PLA2G10: variants seen among roughly 807,000 people sequenced by gnomAD.
The protein encoded by PLA2G10 is group 10 secretory phospholipase A2.
PLA2G10 carries 9 observed loss-of-function variants against 7.9 expected under a neutral mutation model. The observed-to-expected ratio is 1.14, with a 90% CI of 0.68 to 1.98. The LOEUF (loss-of-function observed/expected upper bound fraction) is 1.98, where lower values mean the gene tolerates loss of function less well. PLA2G10 is among the 30% of genes most tolerant of loss of function. PLA2G10 has a pLI of 0.00. For synonymous variants in PLA2G10, 19 were observed against 27.5 expected (o/e 0.69, Z 0.97); for missense variants, 53 against 65.4 (o/e 0.81, Z 0.66).
At chr16:14,672,835 T>G in intron 3 of PLA2G10, 86 bp from the exon 4 acceptor site, 5 of 1,290,940 alleles carry the variant, frequency 3.9e-6, no homozygotes, top group Non-Finnish European at 5.5e-6. Flanking sequence ...GGACGGGTCA[T>G]AAATTACATT....
intron 3 of PLA2G10, among the ~76,000 whole-genome samples, chr16:14,672,952 G>A (rs1176652359): frequency 6.6e-6 from 1 of 151,854 alleles, no homozygotes; most frequent in East Asian, 1.9e-4. Flanking sequence ...AGTTTCAAAT[G>A]GAGAGTCCAA....
chr16:14,672,806 AC>A, intron 3 of PLA2G10, 57 bp from the exon 4 acceptor site: 1 of 1,557,184 alleles, frequency 6.4e-7, no homozygotes, highest in Non-Finnish European at 8.8e-7. Flanking sequence ...CTCAAGGGAA[AC>A]CAGTAAAGCA....
At chr16:14,678,905 G>T (rs1263809019) in intron 3 of PLA2G10, 1 of 247,350 alleles carries the variant, frequency 4.0e-6, no homozygotes, top group Admixed American at 5.2e-5. Flanking sequence ...CCCTACTTCT[G>T]TCACTCTGGG....
intron 3 of PLA2G10, among the ~76,000 whole-genome samples, chr16:14,679,675 AT>A (rs201240905): frequency 0.013 from 1,899 of 147,482 alleles, 6 homozygotes; most frequent in Non-Finnish European, 0.015. Context: ...AAAAAAAAAA[AT>A]AATAATAATA....
chr16:14,682,306 G>C (rs1960914701), intron 3 of PLA2G10, among the ~76,000 whole-genome samples: 1 of 152,188 alleles, frequency 6.6e-6, no homozygotes, highest in African/African-American at 2.4e-5. Flanking sequence ...AAGTAGGCCG[G>C]GCGCGGTGGC....
At chr16:14,675,456 A>G (rs1205282060) in intron 3 of PLA2G10, among the ~76,000 whole-genome samples, 1 of 152,096 alleles carries the variant, frequency 6.6e-6, no homozygotes, top group East Asian at 1.9e-4. Flanking sequence ...ATGCAACAAA[A>G]CAAAAATAAA....
chr16:14,682,741 A>T (rs1960926984), intron 3 of PLA2G10, among the ~76,000 whole-genome samples: 2 of 152,054 alleles, frequency 1.3e-5, no homozygotes, highest in South Asian at 2.1e-4. Flanking sequence ...TCAGATAAAG[A>T]TAGGAGGAGG....
At chr16:14,681,019 A>G (rs951814163) in intron 3 of PLA2G10, among the ~76,000 whole-genome samples, 2 of 151,926 alleles carry the variant, frequency 1.3e-5, no homozygotes, top group African/African-American at 4.8e-5. Flanking sequence ...AAAAAAAATT[A>G]GCTGGGTATG....
chr16:14,680,969 C>G (rs765040498), intron 3 of PLA2G10, among the ~76,000 whole-genome samples: 5 of 151,902 alleles, frequency 3.3e-5, no homozygotes, highest in Admixed American at 2.0e-4. Flanking sequence ...CAAGACCAGC[C>G]TGGCCAACAT....
At chr16:14,673,494 C>G (rs1461547120) in intron 3 of PLA2G10, among the ~76,000 whole-genome samples, 1 of 152,092 alleles carries the variant, frequency 6.6e-6, no homozygotes, top group Non-Finnish European at 1.5e-5. Context: ...ACCTCAGCCT[C>G]CCATGTGGCT....
intron 3 of PLA2G10, among the ~76,000 whole-genome samples, chr16:14,676,221 A>C (rs938273322): frequency 1.1e-4 from 17 of 152,228 alleles, no homozygotes; most frequent in African/African-American, 4.1e-4. Flanking sequence ...CAAAGAACGA[A>C]AAGTAAATCT....
chr16:14,682,549 C>A (rs1960922252), intron 3 of PLA2G10, among the ~76,000 whole-genome samples: 1 of 152,118 alleles, frequency 6.6e-6, no homozygotes, highest in South Asian at 2.1e-4. Flanking sequence ...GTACTCCTGC[C>A]TGGGCTACAG....
chr16:14,681,088 G>A lies in PLA2G10; in HGVS notation c.355+7077C>T, dbSNP rs548163720. 7.6e-4 allele frequency among the ~76,000 whole-genome samples: 115 copies of A among 151,950 alleles called. No individual in the cohort carries two copies. In the Middle Eastern group the frequency reaches 0.01, roughly 13 times the overall value. ...CTGAGGCAGGAGAATGGCTTGAACC[G>A]GGGAGGTGGAGGTTGCAGTGAGCTG... On this transcript the variant is annotated intron_variant, in intron 3 of 3. Coordinates refer to ENST00000438167, the MANE Select transcript of PLA2G10 (RefSeq NM_003561.3).
chr16:14,681,143 A>G (rs1380323752), intron 3 of PLA2G10, among the ~76,000 whole-genome samples: 1 of 151,720 alleles, frequency 6.6e-6, no homozygotes, highest in Non-Finnish European at 1.5e-5. Context: ...CAGCCTGGGC[A>G]ACAGAGTGAG....
intron 3 of PLA2G10, chr16:14,678,694 C>CA: frequency 5.1e-6 from 2 of 393,326 alleles, no homozygotes; most frequent in Non-Finnish European, 1.0e-5. Flanking sequence ...CGCTTGAGCC[C>CA]AAAAGGCAGA....
chr16:14,680,336 G>A (rs1960855829), intron 3 of PLA2G10, among the ~76,000 whole-genome samples: 1 of 151,970 alleles, frequency 6.6e-6, no homozygotes, highest in Non-Finnish European at 1.5e-5. Context: ...CTGACCTCAA[G>A]TGATTCACCA....
chr16:14,677,007 A>G (rs1326621944), intron 3 of PLA2G10, among the ~76,000 whole-genome samples: 1 of 152,142 alleles, frequency 6.6e-6, no homozygotes, highest in Non-Finnish European at 1.5e-5. Context: ...ATTGGGTACA[A>G]TGTAGACTAC....
intron 3 of PLA2G10, among the ~76,000 whole-genome samples, chr16:14,676,928 C>T (rs1960740185): frequency 6.6e-6 from 1 of 151,944 alleles, no homozygotes; most frequent in South Asian, 2.1e-4. Context: ...ATGGGGGGTA[C>T]ACAAAGGCAT....
intron 3 of PLA2G10, among the ~76,000 whole-genome samples, chr16:14,677,494 G>A (rs1960754368): frequency 6.6e-6 from 1 of 152,112 alleles, no homozygotes; most frequent in Admixed American, 6.6e-5. Flanking sequence ...AGCCTCCCGA[G>A]TAGCTGGGAC....
Sources: gnomAD v4.1 joint callset for allele counts (sites outside exome capture counted in the v4.1 genomes callset) on GRCh38, gnomAD v4.1.1 for gene constraint, MANE v1.5 for transcripts, NCBI Gene and HGNC (gene_info 2026-07-23, HGNC 2026-07-21) for gene names.